TMEM38B: variants seen among roughly 807,000 people sequenced by gnomAD.
TMEM38B encodes trimeric intracellular cation channel type B.
In TMEM38B, 24 loss-of-function variants were observed where a neutral mutation model predicts 28.7. That is an observed-to-expected ratio of 0.84 (90% CI 0.61 to 1.18). The LOEUF (loss-of-function observed/expected upper bound fraction) is 1.18. TMEM38B is among the 50% of genes most tolerant of loss of function. The pLI is 0.00. For synonymous variants in TMEM38B, 131 were observed against 127.7 expected (o/e 1.03, Z -0.17); for missense variants, 380 against 350.9 (o/e 1.08, Z -0.66).
chr9:105,722,483 T>C, intron 3 of TMEM38B, 51 bp from the exon 4 acceptor site: 2 of 1,398,612 alleles, frequency 1.4e-6, no homozygotes, highest in Non-Finnish European at 2.0e-6. Flanking sequence ...TTTAAATATG[T>C]TTTACAGGAA....
At chr9:105,735,982 C>G (rs931595752) in intron 4 of TMEM38B, among the ~76,000 whole-genome samples, 1 of 152,144 alleles carries the variant, frequency 6.6e-6, no homozygotes, top group Admixed American at 6.5e-5. Flanking sequence ...TCTTCCCCTC[C>G]TCAGCCTCTC....
chr9:105,705,877 G>A (rs1564386417), intron 2 of TMEM38B, 124 bp downstream of exon 2: 1 of 985,874 alleles, frequency 1.0e-6, no homozygotes, highest in Non-Finnish European at 1.4e-6. Context: ...CATCTGCAAG[G>A]AAGGAACCCA....
At chr9:105,707,024 C>T (rs1034535504) in intron 2 of TMEM38B, among the ~76,000 whole-genome samples, 5 of 152,014 alleles carry the variant, frequency 3.3e-5, no homozygotes, top group African/African-American at 7.2e-5. Context: ...GTGATCTGCC[C>T]GTCTCAGCCT....
intron 5 of TMEM38B, among the ~76,000 whole-genome samples, chr9:105,748,637 A>G (rs1414751215): frequency 2.6e-5 from 4 of 152,140 alleles, no homozygotes; most frequent in African/African-American, 4.8e-5. Flanking sequence ...CTTCCTGAAG[A>G]TAGGTTAGAG....
intron 4 of TMEM38B, among the ~76,000 whole-genome samples, chr9:105,740,284 AG>A (rs1837152412): frequency 7.4e-6 from 1 of 135,762 alleles, no homozygotes; most frequent in African/African-American, 2.8e-5. Context: ...TTTTTGAAAC[AG>A]GGTCTTGCTC....
chr9:105,751,701 G>A (rs546497352), intron 5 of TMEM38B, among the ~76,000 whole-genome samples: 1 of 152,308 alleles, frequency 6.6e-6, no homozygotes, highest in South Asian at 2.1e-4. Context: ...GAGTTCCTGG[G>A]GGGAGGGGCG....
chr9:105,723,674 G>C (rs749186438), intron 4 of TMEM38B, among the ~76,000 whole-genome samples: 37 of 152,090 alleles, frequency 2.4e-4, no homozygotes, highest in South Asian at 2.1e-4. Flanking sequence ...TGGGATTACA[G>C]ATGTGAAGCA....
intron 5 of TMEM38B, among the ~76,000 whole-genome samples, chr9:105,772,981 A>G (rs574529268): frequency 1.5e-4 from 23 of 152,096 alleles, no homozygotes; most frequent in African/African-American, 5.5e-4. Flanking sequence ...TCTTGATACC[A>G]TTTTCCCCAA....
At position 105,752,379 on chromosome 9, in the gene TMEM38B, C is replaced by T. The variant is rs141642608; in HGVS notation, c.660+4189C>T. Among the ~76,000 whole-genome samples the T allele has an allele frequency of 3.4e-3, 512 of 152,288 alleles. 5 individuals are homozygous for T. The highest frequency in any genetic ancestry group is 0.011 in the African/African-American group (477 of 41,576). Reference sequence around the variant, plus strand: ...CCTGTTCCTCCTGACTGGGTGAGACCTCCCAACAGGGATCTGTAACCACCT... The same window carrying T: ...CCTGTTCCTCCTGACTGGGTGAGACTTCCCAACAGGGATCTGTAACCACCT... On this transcript the variant is annotated intron_variant, in intron 5 of 5. Transcript: ENST00000374692.
rs545086815 is a variant in TMEM38B at position 105,733,452 on chromosome 9, G to A, written c.542+10831G>A. 5.2e-5 allele frequency among the ~76,000 whole-genome samples: 7 copies of A among 134,712 alleles called. No homozygotes were observed. In the South Asian group the frequency reaches 1.1e-3, roughly 22 times the overall value. The allele number at this position is 134,712 out of a possible 152,430, so 88.4% of individuals were successfully genotyped here. On this transcript the variant is annotated intron_variant, in intron 4 of 5. Coordinates refer to ENST00000374692, the MANE Select transcript of TMEM38B (RefSeq NM_018112.3). ...TTTTTTTTTTGCGGTGTCTTTGTCT[G>A]TATTAGGCATGAGCTGATGATGGCC...
intron 4 of TMEM38B, among the ~76,000 whole-genome samples, chr9:105,731,516 C>T (rs1836746954): frequency 6.6e-6 from 1 of 152,042 alleles, no homozygotes; most frequent in African/African-American, 2.4e-5. Flanking sequence ...TCCAAGTGTT[C>T]TCATTGTTCA....
At chr9:105,709,410 G>C (rs779351315) in intron 2 of TMEM38B, among the ~76,000 whole-genome samples, 36 of 152,090 alleles carry the variant, frequency 2.4e-4, no homozygotes, top group South Asian at 2.1e-4. Context: ...ATCTTTGATA[G>C]TATATTGGGT....
chr9:105,770,147 GAGGGACACTGTTCTT>G (rs1008751308), intron 5 of TMEM38B, among the ~76,000 whole-genome samples: 2 of 152,074 alleles, frequency 1.3e-5, no homozygotes, highest in African/African-American at 4.8e-5. Context: ...ACACATGAAT[GAGGGACACTGTTCTT>G]AGGTGCTTTT....
chr9:105,757,014 G>A (rs369578716), intron 5 of TMEM38B, among the ~76,000 whole-genome samples: 20 of 152,142 alleles, frequency 1.3e-4, no homozygotes, highest in East Asian at 5.8e-4. Flanking sequence ...TCACCTGAGC[G>A]GTGTATACTG....
At chr9:105,704,813 A>G (rs1835597729) in intron 1 of TMEM38B, among the ~76,000 whole-genome samples, 1 of 152,064 alleles carries the variant, frequency 6.6e-6, no homozygotes, top group South Asian at 2.1e-4. Flanking sequence ...AGTCACAGCT[A>G]CTTGGGAGGC....
At chr9:105,713,845 C>T (rs761060994) in intron 2 of TMEM38B, among the ~76,000 whole-genome samples, 1 of 152,184 alleles carries the variant, frequency 6.6e-6, no homozygotes, top group African/African-American at 2.4e-5. Context: ...CCCATAAAAG[C>T]TCTGGGCTCA....
chr9:105,757,321 A>G (rs10759134), intron 5 of TMEM38B, among the ~76,000 whole-genome samples: 35,612 of 152,124 alleles, frequency 0.23, 6,853 homozygotes, highest in African/African-American at 0.51. Flanking sequence ...GTTGATGGGC[A>G]TTTAGGCTGG....
chr9:105,719,500 G>C (rs763100751), intron 2 of TMEM38B, among the ~76,000 whole-genome samples: 7 of 152,156 alleles, frequency 4.6e-5, no homozygotes, highest in Non-Finnish European at 1.0e-4. Context: ...TGGTTGTTGA[G>C]TGTGCCATTG....
chr9:105,721,470 G>T, intron 2 of TMEM38B, 67 bp from the exon 3 acceptor site: 1 of 1,166,958 alleles, frequency 8.6e-7, no homozygotes, highest in Non-Finnish European at 1.2e-6. Flanking sequence ...GTTGCTGTTA[G>T]GTTAGATTTT....
Sources: allele counts gnomAD v4.1 joint callset (sites outside exome capture counted in the v4.1 genomes callset), GRCh38; gene constraint gnomAD v4.1.1; transcripts MANE v1.5; gene names NCBI Gene and HGNC (gene_info 2026-07-23, HGNC 2026-07-21).